LAX1: variants seen among roughly 807,000 people sequenced by gnomAD.
LAX1 encodes the protein lymphocyte transmembrane adaptor 1.
A neutral mutation model predicts 20.7 loss-of-function variants in LAX1; 17 were observed. The observed-to-expected ratio is 0.82, with a 90% confidence interval of 0.56 to 1.23. The LOEUF (loss-of-function observed/expected upper bound fraction) is 1.23. LAX1 is among the 50% of genes most tolerant of loss of function. LAX1 has a pLI of 0.00. For missense variants in LAX1, 470 were observed against 487.0 expected, an observed-to-expected ratio of 0.97 and a Z score of 0.33; for synonymous variants, 165 against 181.0, an observed-to-expected ratio of 0.91 and a Z score of 0.71.
intron 1 of LAX1, among the ~76,000 whole-genome samples, chr1:203,770,529 G>GAA (rs1214280676): frequency 7.3e-6 from 1 of 136,200 alleles, no homozygotes; most frequent in African/African-American, 2.7e-5. Flanking sequence ...AAGAAAGAAA[G>GAA]AAAGAAAGAA....
At chr1:203,767,493 G>A (rs901702738) in intron 1 of LAX1, among the ~76,000 whole-genome samples, 5 of 148,568 alleles carry the variant, frequency 3.4e-5, no homozygotes, top group Non-Finnish European at 1.5e-5. Context: ...TTTTAGTAGA[G>A]TTGGGGGTTT....
chr1:203,771,986 C>T (rs1667429735), intron 3 of LAX1, 82 bp from the exon 4 acceptor site: 1 of 1,147,526 alleles, frequency 8.7e-7, no homozygotes, highest in Non-Finnish European at 1.3e-6. Flanking sequence ...CGCAAACCCG[C>T]TTCATCCATG....
intron 1 of LAX1, chr1:203,769,773 C>T (rs1252640039): frequency 4.1e-5 from 1 of 24,318 alleles, no homozygotes; most frequent in Non-Finnish European, 1.3e-4. Context: ...CAAATTGGTG[C>T]GGGGGGGGGG....
chr1:203,765,515 A>G lies in LAX1; in HGVS notation c.-51A>G. ...CATGCTGGCTAACTGATTATGATTA[A>G]GAGAAACTTAGAAGCTGAAGCCAGA... On this transcript the variant is annotated 5_prime_UTR_variant, in exon 1 of 5. Coordinates refer to ENST00000442561, the MANE Select transcript of LAX1 (RefSeq NM_017773.4). 1 of 1,611,102 alleles carries G rather than the reference A, an allele frequency of 6.2e-7. No individual in the cohort carries two copies. Among genetic ancestry groups the G allele is most frequent in the Non-Finnish European group, 8.5e-7 (1 of 1,178,474 alleles).
At chr1:203,767,170 T>G (rs1373381828) in intron 1 of LAX1, among the ~76,000 whole-genome samples, 1 of 151,308 alleles carries the variant, frequency 6.6e-6, no homozygotes, top group Non-Finnish European at 1.5e-5. Flanking sequence ...CATCAACACA[T>G]TTTTATTAAC....
chr1:203,771,971 C>T, intron 3 of LAX1, 97 bp from the exon 4 acceptor site: 1 of 973,022 alleles, frequency 1.0e-6, no homozygotes, highest in Non-Finnish European at 1.7e-6. Flanking sequence ...AAATTCCAGA[C>T]ACCACGCAAA....
intron 1 of LAX1, among the ~76,000 whole-genome samples, chr1:203,767,303 C>CTTTTTTTTTTTTTTTTTTTTTTT (rs755164305): frequency 6.6e-5 from 6 of 90,448 alleles, no homozygotes; most frequent in African/African-American, 2.4e-4. Flanking sequence ...CTCTCCACTT[C>CTTTTTTTTTTTTTTTTTTTTTTT]TTTTTTTTTT....
chr1:203,772,031 A>C, intron 3 of LAX1, 37 bp from the exon 4 acceptor site: 5 of 1,514,400 alleles, frequency 3.3e-6, no homozygotes, highest in Non-Finnish European at 4.6e-6. Flanking sequence ...CACTCAGAGG[A>C]CTGGCTATCT....
chr1:203,771,297 T>C, intron 2 of LAX1, 70 bp from the exon 3 acceptor site: 1 of 967,132 alleles, frequency 1.0e-6, no homozygotes, highest in Admixed American at 1.7e-5. Context: ...GGCCATCTCA[T>C]TCCCATGAGT....
chr1:203,771,409 C>A lies in LAX1; in HGVS notation c.242C>A (p.Thr81Asn). The A allele has an allele frequency of 6.2e-7, 1 of 1,613,960 alleles. No individual in the cohort carries two copies. Reference protein sequence around the residue: ...YLRVTVMPLLTLPQTRQRAKN... With the variant: ...YLRVTVMPLLNLPQTRQRAKN... ...CGAGTTACCGTCATGCCCTTGCTGA[C>A]TTTGCCACAAACCAGACAAAGAGCC... The change falls in exon 3 of 5, where the codon ACT becomes AAT. Residue 81 changes from threonine (T) to asparagine (N), a missense_variant. Coordinates refer to ENST00000442561, the MANE Select transcript of LAX1 (RefSeq NM_017773.4).
Position 203,774,444 on chromosome 1 carries a change from T to C in LAX1, c.960T>C (p.His320=). 4 of 1,614,214 alleles carry C rather than the reference T, an allele frequency of 2.5e-6. No individual in the cohort carries two copies. Among genetic ancestry groups the C allele is most frequent in the Non-Finnish European group, 3.4e-6 (4 of 1,180,030 alleles). ...ATGTGCCATCCTCAAACATAGGTCA[T>C]GTCGAGGACAAGACAGATGATCCCG... ...EKDVPSSNIG[H]VEDKTDDPGT... Residue 320 remains histidine, a synonymous_variant, in exon 5 of 5, where the codon CAT becomes CAC. Coordinates refer to ENST00000442561, the MANE Select transcript of LAX1 (RefSeq NM_017773.4).
In LAX1 at chr1:203,774,483, A is replaced by G. The variant is rs369623922; in HGVS notation, c.999A>G (p.Gln333=). The G allele has an allele frequency of 7.4e-6, 12 of 1,614,126 alleles. No homozygotes were observed. The African/African-American group carries it at 1.2e-4, about 16-fold the overall frequency. ...CAGATGATCCCGGGACCCATGTCCA[A>G]TGTGTCAAAAGGACATTCCTTGCTT... ...DKTDDPGTHV[Q]CVKRTFLASG... is the part of the protein sequence containing the mutation. The change falls in exon 5 of 5, where the codon CAA becomes CAG. Residue 333 remains glutamine (Q), a synonymous_variant. Transcript: ENST00000442561.
At chr1:203,766,909 G>A (rs1166997373) in intron 1 of LAX1, among the ~76,000 whole-genome samples, 1 of 151,982 alleles carries the variant, frequency 6.6e-6, no homozygotes, top group Non-Finnish European at 1.5e-5. Flanking sequence ...AGGCTGGAGT[G>A]CAGTGGCGTG....
At chr1:203,772,455 T>A (rs1449845398) in intron 4 of LAX1, among the ~76,000 whole-genome samples, 1 of 151,986 alleles carries the variant, frequency 6.6e-6, no homozygotes, top group Non-Finnish European at 1.5e-5. Context: ...TGAGATGGAG[T>A]CTTGTTCTGT....
chr1:203,770,811 T>C lies in LAX1; in HGVS notation c.90-17T>C. ...ACCCTCCTACAGCTAGCACATGTCA[T>C]TCGATTGTTTTTCTAGAAATAAAGA... On this transcript the variant is annotated splice_polypyrimidine_tract_variant and intron_variant, in intron 1 of 4. Transcript: ENST00000442561. The C allele has an allele frequency of 1.3e-6, 2 of 1,592,644 alleles. No homozygotes were observed. Among genetic ancestry groups the C allele is most frequent in the Non-Finnish European group, 8.6e-7 (1 of 1,160,492 alleles).
chr1:203,775,950 G>A lies in LAX1; in HGVS notation c.*1269G>A, dbSNP rs1380193802. On this transcript the variant is annotated 3_prime_UTR_variant, in exon 5 of 5. Transcript: ENST00000442561. ...AGTTTGCTACAAAGGGGCTGCAAAG[G>A]GAATAGGCTGATGGAGCTGTTCTGT... is the stretch of plus-strand genomic sequence containing the variant. The A allele has an allele frequency of 6.6e-6, 1 of 152,286 alleles. No homozygotes were observed. 9.4% of individuals were successfully genotyped at this position (152,286 alleles called of 1,614,324 possible).
chr1:203,765,242 G>T lies in LAX1; in HGVS notation c.-324G>T. On this transcript the variant is annotated 5_prime_UTR_variant, in exon 1 of 5. Coordinates refer to ENST00000442561, the MANE Select transcript of LAX1 (RefSeq NM_017773.4). ...TCACGGAGCCTCTCTTGAGCCTCTT[G>T]GCAGTTTCCCCCTCTGTGCCCCTCA... 9.5e-7 allele frequency: 1 copy of T among 1,050,064 alleles called. No individual in the cohort carries two copies. Among genetic ancestry groups the T allele is most frequent in the Non-Finnish European group, 1.4e-6 (1 of 696,242 alleles). The allele number at this position is 1,050,064 out of a possible 1,614,324, so 65.0% of individuals were successfully genotyped here. A position where few individuals can be genotyped will look rare whatever the true frequency, so the allele number is the denominator to read the frequency against.
chr1:203,772,084 G>A lies in LAX1; in HGVS notation c.327G>A (p.Arg109=). The change falls in exon 4 of 5, where the codon AGG becomes AGA. Residue 109 remains arginine (R), a synonymous_variant. Transcript: ENST00000442561. ...TCCTTTCAGGGAGACATGAGTCGAG[G>A]AGTATGCGCATTTTCAGTACTGAGA... The part of the protein sequence containing the change: ...RQEDLGRHES[R]SMRIFSTESL... 1.9e-6 allele frequency: 3 copies of A among 1,614,020 alleles called. No homozygotes were observed. Among genetic ancestry groups the A allele is most frequent in the Non-Finnish European group, 2.5e-6 (3 of 1,179,880 alleles).
At chr1:203,771,012 T>C in intron 2 of LAX1, 75 bp downstream of exon 2, 1 of 1,208,344 alleles carries the variant, frequency 8.3e-7, no homozygotes, top group African/African-American at 1.5e-5. Flanking sequence ...GCCCAGCTTA[T>C]TTACCAGGGA....
Sources: allele counts gnomAD v4.1 joint callset (sites outside exome capture counted in the v4.1 genomes callset), GRCh38; gene constraint gnomAD v4.1.1; transcripts MANE v1.5; gene names NCBI Gene and HGNC (gene_info 2026-07-23, HGNC 2026-07-21).